The following IWS1 variants were observed in gnomAD, a reference collection of about 807,000 sequenced individuals.
IWS1 encodes interacts with SUPT6H, CTD assembly factor 1.
IWS1 carries 27 observed loss-of-function variants against 86.7 expected under a neutral mutation model. That is an observed-to-expected ratio of 0.31 (90% CI 0.23 to 0.43). The LOEUF is 0.43. Among genes scored for constraint, IWS1 ranks in the 20% least tolerant of loss-of-function variants. The pLI is 1.00. For synonymous variants in IWS1, 313 were observed against 335.1 expected (o/e 0.93, Z 0.72); for missense variants, 827 against 1,000.8 (o/e 0.83, Z 2.34).
chr2:127,493,320 T>A lies in IWS1; in HGVS notation c.1890A>T (p.Ala630=), dbSNP rs1336727129. The A allele has an allele frequency of 1.9e-6, 3 of 1,613,708 alleles. No individual in the cohort carries two copies. Among genetic ancestry groups the A allele is most frequent in the Non-Finnish European group, 2.5e-6 (3 of 1,179,906 alleles). The change falls in exon 9 of 14, where the codon GCA becomes GCT. Residue 630 remains alanine, a synonymous_variant. Coordinates refer to ENST00000295321, the MANE Select transcript of IWS1 (RefSeq NM_017969.3). ...LSPLPDRSLP[A]LKIREELLKI... is the part of the protein sequence containing the mutation. ...TCAGCAGCTCCTCCCGGATCTTGAG[T>A]GCAGGCAAACTCCTATCTGGTAGAG...
intron 2 of IWS1, among the ~76,000 whole-genome samples, chr2:127,512,602 C>G (rs138440604): frequency 1.3e-5 from 2 of 152,184 alleles, no homozygotes; most frequent in Non-Finnish European, 2.9e-5. Flanking sequence ...TCTAGCTAGA[C>G]AGAATTACCA....
At chr2:127,524,710 T>C (rs765375814) in intron 1 of IWS1, among the ~76,000 whole-genome samples, 60 of 151,470 alleles carry the variant, frequency 4.0e-4, no homozygotes, top group Non-Finnish European at 7.4e-4. Context: ...GCCTGGCTAA[T>C]TTTTTGTATT....
Position 127,505,021 on chromosome 2 carries a change from T to A in IWS1, c.882A>T (p.Leu294=), listed in dbSNP as rs1250398251. The change falls in exon 3 of 14, where the codon CTA becomes CTT. Residue 294 remains leucine, a synonymous_variant. Coordinates refer to ENST00000295321, the MANE Select transcript of IWS1 (RefSeq NM_017969.3). This position sits in a 1 kb window ranked among gnomAD's most constrained non-coding sequence, Gnocchi z 5.0. ...NQASDSENEE[L]PKPRVSDSES... ...CAGAGTCACTGACTCGGGGTTTGGG[T>A]AGCTCCTCATTTTCCGAATCACTGG... 3 of 1,612,202 alleles carry A rather than the reference T, an allele frequency of 1.9e-6. No individual in the cohort carries two copies. Among genetic ancestry groups the A allele is most frequent in the Non-Finnish European group, 2.5e-6 (3 of 1,179,522 alleles).
intron 2 of IWS1, among the ~76,000 whole-genome samples, chr2:127,516,047 T>C (rs1381649126): frequency 6.6e-6 from 1 of 152,152 alleles, no homozygotes; most frequent in East Asian, 1.9e-4. Flanking sequence ...TAATCACCCT[T>C]GGGCCGGCTT....
intron 5 of IWS1, among the ~76,000 whole-genome samples, chr2:127,501,457 G>A (rs906637200): frequency 2.6e-5 from 4 of 152,072 alleles, no homozygotes; most frequent in South Asian, 4.2e-4. Context: ...GTACAACTTC[G>A]AGAATCTATG....
At chr2:127,495,063 T>C (rs2104676578) in intron 7 of IWS1, 109 bp from the exon 8 acceptor site, 1 of 651,766 alleles carries the variant, frequency 1.5e-6, no homozygotes, top group Non-Finnish European at 2.5e-6. Flanking sequence ...GAAACAATTT[T>C]TCCTACAAGA....
In IWS1 at chr2:127,491,913, G is replaced by C. The variant is rs573700916; in HGVS notation, c.2047+58C>G. 1.0e-4 allele frequency: 97 copies of C among 960,228 alleles called. No individual in the cohort carries two copies. In the Middle Eastern group the frequency reaches 1.4e-3, roughly 13 times the overall value. The allele number at this position is 960,228 out of a possible 1,614,324, so 59.5% of individuals were successfully genotyped here. A position where few individuals can be genotyped will look rare whatever the true frequency, so the allele number is the denominator to read the frequency against. The stretch of plus-strand genomic sequence containing the variant: ...GTAAAAATACAGCTTTTATATATAC[G>C]CATCTCTCTCTTATCTATACACATA... On this transcript the variant is annotated intron_variant, in intron 10 of 13. Coordinates refer to ENST00000295321, the MANE Select transcript of IWS1 (RefSeq NM_017969.3).
intron 7 of IWS1, among the ~76,000 whole-genome samples, chr2:127,495,415 A>C (rs1271008964): frequency 6.6e-6 from 1 of 152,210 alleles, no homozygotes; most frequent in Non-Finnish European, 1.5e-5. Flanking sequence ...ATATAGAATA[A>C]TATACCTGTT....
At position 127,498,146 on chromosome 2, in the gene IWS1, C is replaced by T; in HGVS notation, c.1559G>A (p.Gly520Glu). Residue 520 changes from glycine to glutamate, a missense_variant, in exon 6 of 14, where the codon GGA becomes GAA. Physicochemically the swap from Gly to Glu is moderately conservative, Grantham distance 98. Around this residue, in one of 2 missense-constraint regions of IWS1, gnomAD observed 279 missense variants for 440.6 expected, o/e 0.63. Coordinates refer to ENST00000295321, the MANE Select transcript of IWS1 (RefSeq NM_017969.3). ...DSDSDDNIKR[G>E]KHMDFLSDFE... Reference sequence around the variant, plus strand: ...TCCTTAAAAACAAACTTACTGTTTTCCTCTCTTTATGTTATCATCAGAATC... The same window carrying T: ...TCCTTAAAAACAAACTTACTGTTTTTCTCTCTTTATGTTATCATCAGAATC... 6.3e-7 allele frequency: 1 copy of T among 1,576,900 alleles called. No individual in the cohort carries two copies. Among genetic ancestry groups the T allele is most frequent in the Non-Finnish European group, 8.7e-7 (1 of 1,148,252 alleles).
chr2:127,526,507 G>A (rs144633345), upstream of IWS1: 1,969 of 1,493,260 alleles, frequency 1.3e-3, 23 homozygotes, highest in African/African-American at 0.025. Flanking sequence ...ACCCTCAAAG[G>A]AATGCAGCGC....
intron 2 of IWS1, among the ~76,000 whole-genome samples, chr2:127,519,048 A>T (rs1558770193): frequency 6.6e-6 from 1 of 150,568 alleles, no homozygotes; most frequent in African/African-American, 2.4e-5. Flanking sequence ...TATTTTGTTC[A>T]TTTTTTTTTG....
At chr2:127,522,428 AT>A (rs1330644255) in intron 2 of IWS1, among the ~76,000 whole-genome samples, 2 of 152,234 alleles carry the variant, frequency 1.3e-5, no homozygotes, top group Non-Finnish European at 2.9e-5. Flanking sequence ...TTAAAAAAAA[AT>A]GTTTATTGCT....
chr2:127,521,011 G>C (rs1316140126), intron 2 of IWS1, among the ~76,000 whole-genome samples: 1 of 152,252 alleles, frequency 6.6e-6, no homozygotes, highest in African/African-American at 2.4e-5. Flanking sequence ...TGTAATTCCA[G>C]CACTTTGGGA....
intron 8 of IWS1, 29 bp downstream of exon 8, chr2:127,494,843 A>T: frequency 7.7e-7 from 1 of 1,302,140 alleles, no homozygotes; most frequent in Non-Finnish European, 1.1e-6. Context: ...AAAAGGAAAA[A>T]GACATTTTAA....
rs556995943 is a variant in IWS1 at position 127,493,502 on chromosome 2, C to A, written c.1800-92G>T. The A allele has an allele frequency of 5.2e-5, 65 of 1,241,116 alleles. 2 individuals are homozygous for A. The South Asian group carries it at 7.4e-4, about 14-fold the overall frequency. The allele number at this position is 1,241,116 out of a possible 1,614,324, so 76.9% of individuals were successfully genotyped here. ...ACATATTTAGTGATGTTTCTAAAAACTGCTTTTAAAGCGTTACTCATATAA... is the reference window on the plus strand; with the variant it reads ...ACATATTTAGTGATGTTTCTAAAAAATGCTTTTAAAGCGTTACTCATATAA... On this transcript the variant is annotated intron_variant, in intron 8 of 13. Coordinates refer to ENST00000295321, the MANE Select transcript of IWS1 (RefSeq NM_017969.3).
intron 2 of IWS1, among the ~76,000 whole-genome samples, chr2:127,522,597 AG>A (rs1053131386): frequency 2.6e-5 from 4 of 152,258 alleles, no homozygotes; most frequent in Admixed American, 2.6e-4. Flanking sequence ...TTGCTGTCAA[AG>A]GACAGAGTCA....
At chr2:127,516,299 G>A (rs969976988) in intron 2 of IWS1, among the ~76,000 whole-genome samples, 6 of 152,146 alleles carry the variant, frequency 3.9e-5, no homozygotes, top group Non-Finnish European at 5.9e-5. Context: ...AGCCGAGATC[G>A]CGTCATGGCA....
At chr2:127,512,229 G>C (rs1266158636) in intron 2 of IWS1, among the ~76,000 whole-genome samples, 1 of 152,132 alleles carries the variant, frequency 6.6e-6, no homozygotes, top group Non-Finnish European at 1.5e-5. Context: ...ACAGAAACCA[G>C]CTGAATCAAA....
rs150677424 is a variant in IWS1, at chr2:127,499,311, C to G, written c.1468-1074G>C. ...TTCACCACGTTAGCCAGGATGGTCT[C>G]GATCTCCTGACCTTGTGAGCCGCCC... On this transcript the variant is annotated intron_variant, in intron 5 of 13. Coordinates refer to ENST00000295321, the MANE Select transcript of IWS1 (RefSeq NM_017969.3). This position sits in a 1 kb window ranked among gnomAD's most constrained non-coding sequence, Gnocchi z 4.0. Among the ~76,000 whole-genome samples, 2,004 of 152,180 alleles carry G rather than the reference C, an allele frequency of 0.013. 21 individuals carry two copies. Among genetic ancestry groups the G allele is most frequent in the Middle Eastern group, 0.044 (13 of 294 alleles).
Sources: allele counts gnomAD v4.1 joint callset (sites outside exome capture counted in the v4.1 genomes callset), GRCh38; gene constraint gnomAD v4.1.1; regional missense constraint gnomAD v4.1.1; non-coding constraint Gnocchi (gnomAD v3.1); transcripts MANE v1.5; gene names NCBI Gene and HGNC (gene_info 2026-07-23, HGNC 2026-07-21).